EIF4G3: variants seen among roughly 807,000 people sequenced by gnomAD.
EIF4G3 encodes the protein eIF-4-gamma 3.
A neutral mutation model predicts 186.4 loss-of-function variants in EIF4G3; 34 were observed. That is an observed-to-expected ratio of 0.18 (90% confidence interval 0.14 to 0.24). EIF4G3 has a LOEUF of 0.24. Ranked by LOEUF, EIF4G3 falls within the 10% of genes least tolerant of loss-of-function variation. The pLI is 1.00. For missense variants in EIF4G3, 1,536 were observed against 1,948.5 expected, an observed-to-expected ratio of 0.79 and a Z score of 3.99; for synonymous variants, 673 against 679.5, an observed-to-expected ratio of 0.99 and a Z score of 0.15.
rs571710353 is a variant in EIF4G3 at position 20,952,807 on chromosome 1, G to A, written c.715-2696C>T. 4.3e-4 allele frequency among the ~76,000 whole-genome samples: 66 copies of A among 152,202 alleles called. 1 individual carries two copies. The highest frequency in any genetic ancestry group is 1.4e-3 in the African/African-American group (57 of 41,532). ...GGAGGTTGCAGTGAGCCGAGGTCGC[G>A]CCACTGCACTCCAGCCTAGGCAACA... On this transcript the variant is annotated intron_variant, in intron 12 of 36. Coordinates refer to ENST00000602326, the MANE Select transcript of EIF4G3 (RefSeq NM_001391906.1).
intron 4 of EIF4G3, among the ~76,000 whole-genome samples, chr1:21,019,943 A>C (rs951477447): frequency 6.6e-6 from 1 of 152,162 alleles, no homozygotes; most frequent in African/African-American, 2.4e-5. Flanking sequence ...ACTATAAATA[A>C]TTAAATAAAA....
At chr1:21,015,993 A>C (rs2154570352) in intron 4 of EIF4G3, among the ~76,000 whole-genome samples, 1 of 152,332 alleles carries the variant, frequency 6.6e-6, no homozygotes, top group African/African-American at 2.4e-5. Context: ...TCTCCAGCAA[A>C]GATAAATACA....
chr1:20,926,444 C>T (rs1019798723), intron 14 of EIF4G3, among the ~76,000 whole-genome samples: 17 of 152,262 alleles, frequency 1.1e-4, no homozygotes, highest in African/African-American at 3.9e-4. Context: ...CTTTGGAAGG[C>T]CAAGGCAGGA....
rs528383468 is a variant in EIF4G3 at position 20,889,026 on chromosome 1, G to A, written c.2254-2655C>T. On this transcript the variant is annotated intron_variant, in intron 18 of 36. Transcript: ENST00000602326. ...GTATAATGTGCTCAAGGTCCACAAT[G>A]TCAAAACTAAAAATCTCAAAGTCTG... Among the ~76,000 whole-genome samples, 15 of 152,258 alleles carry A rather than the reference G, an allele frequency of 9.9e-5. No individual in the cohort carries two copies. In the South Asian group the frequency reaches 3.1e-3, roughly 32 times the overall value.
intron 3 of EIF4G3, among the ~76,000 whole-genome samples, chr1:21,054,945 G>C (rs933134740): frequency 6.6e-6 from 1 of 152,020 alleles, no homozygotes. Context: ...TTTCATCCTT[G>C]TTTTTTAAAT....
At chr1:21,062,227 T>C (rs1378139482) in intron 3 of EIF4G3, among the ~76,000 whole-genome samples, 1 of 151,124 alleles carries the variant, frequency 6.6e-6, no homozygotes, top group Admixed American at 6.6e-5. Context: ...CTGGGCTAAT[T>C]TGTTTTATTT....
At chr1:20,986,735 C>T in intron 7 of EIF4G3, among the ~76,000 whole-genome samples, 1 of 93,456 alleles carries the variant, frequency 1.1e-5, no homozygotes, top group Admixed American at 1.8e-4. Context: ...GGCGACAGAG[C>T]TCTGTCTCCA....
chr1:21,012,409 T>C lies in EIF4G3; in HGVS notation c.-66-9601A>G, dbSNP rs138071983. 8.5e-5 allele frequency among the ~76,000 whole-genome samples: 13 copies of C among 152,328 alleles called. No individual in the cohort carries two copies. In the East Asian group the frequency reaches 2.5e-3, roughly 29 times the overall value. On this transcript the variant is annotated intron_variant, in intron 4 of 36. Coordinates refer to ENST00000602326, the MANE Select transcript of EIF4G3 (RefSeq NM_001391906.1). ...AATAAGAGAAGTAGCAAAAATTCTA[T>C]TGATGCATATCTGCTTCATAAAGCA...
chr1:20,864,921 T>C (rs2154552321), intron 21 of EIF4G3, among the ~76,000 whole-genome samples, 195 bp downstream of exon 21: 1 of 152,176 alleles, frequency 6.6e-6, no homozygotes, highest in South Asian at 2.1e-4. Context: ...GCATGGAAAA[T>C]TTAGCTGTCC....
chr1:20,881,514 T>G (rs1364500818), intron 19 of EIF4G3, among the ~76,000 whole-genome samples: 1 of 152,174 alleles, frequency 6.6e-6, no homozygotes, highest in East Asian at 1.9e-4. Flanking sequence ...AGGCTAGGTA[T>G]GGTGGCTCAT....
intron 14 of EIF4G3, among the ~76,000 whole-genome samples, chr1:20,907,728 A>AT (rs1468406072): frequency 6.6e-6 from 1 of 152,004 alleles, no homozygotes; most frequent in African/African-American, 2.4e-5. Context: ...TGAACTCATC[A>AT]TTTTTTATGG....
intron 30 of EIF4G3, among the ~76,000 whole-genome samples, chr1:20,831,609 TTC>T: frequency 6.6e-6 from 1 of 151,582 alleles, no homozygotes; most frequent in South Asian, 2.1e-4. Context: ...ATCTTACTTT[TTC>T]TTTTTTTTTT....
At chr1:20,952,357 T>C (rs1448927830) in intron 12 of EIF4G3, among the ~76,000 whole-genome samples, 4 of 151,948 alleles carry the variant, frequency 2.6e-5, no homozygotes, top group African/African-American at 4.8e-5. Context: ...GGTTTCACCA[T>C]GTTAGCCAGG....
chr1:21,016,762 G>A (rs1032136601), intron 4 of EIF4G3, among the ~76,000 whole-genome samples: 1 of 152,110 alleles, frequency 6.6e-6, no homozygotes, highest in Non-Finnish European at 1.5e-5. Context: ...GAGGTCAGGA[G>A]TTCAAGACCA....
intron 19 of EIF4G3, among the ~76,000 whole-genome samples, chr1:20,880,666 A>G (rs2082063067): frequency 6.6e-6 from 1 of 152,092 alleles, no homozygotes; most frequent in African/African-American, 2.4e-5. Flanking sequence ...CAGAAGAAAC[A>G]CTTGAACCTG....
intron 2 of EIF4G3, among the ~76,000 whole-genome samples, chr1:21,124,538 C>A (rs1035076979): frequency 6.6e-5 from 10 of 152,166 alleles, no homozygotes; most frequent in African/African-American, 7.2e-5. Flanking sequence ...GACGGCCAGA[C>A]TGACTTCTGG....
rs113021956 is a variant in EIF4G3, at chr1:21,112,850, A to T, written c.-271-23637T>A. Among the ~76,000 whole-genome samples, 939 of 152,314 alleles carry T rather than the reference A, an allele frequency of 6.2e-3. 9 individuals carry two copies. The highest frequency in any genetic ancestry group is 0.022 in the African/African-American group (904 of 41,554). ...GACTTTCTTCCATAAATTTCAGCAC[A>T]ATCTAATCACTACTTATCCAGTATC... On this transcript the variant is annotated intron_variant, in intron 2 of 36. Transcript: ENST00000602326.
At chr1:20,932,587 T>C (rs749330531) in intron 14 of EIF4G3, among the ~76,000 whole-genome samples, 1 of 152,040 alleles carries the variant, frequency 6.6e-6, no homozygotes, top group Non-Finnish European at 1.5e-5. Flanking sequence ...TTCAATATTG[T>C]TGTATCTCAG....
At chr1:20,898,463 C>T (rs1398899971) in intron 16 of EIF4G3, among the ~76,000 whole-genome samples, 1 of 152,110 alleles carries the variant, frequency 6.6e-6, no homozygotes, top group East Asian at 1.9e-4. Flanking sequence ...CAATTATAAA[C>T]ACATATATAA....
Sources: gnomAD v4.1 joint callset for allele counts (sites outside exome capture counted in the v4.1 genomes callset) on GRCh38, gnomAD v4.1.1 for gene constraint, MANE v1.5 for transcripts, NCBI Gene and HGNC (gene_info 2026-07-23, HGNC 2026-07-21) for gene names.